PUM2: variants seen among roughly 807,000 people sequenced by gnomAD.
PUM2 encodes pumilio RNA binding family member 2.
PUM2 carries 57 observed loss-of-function variants against 124.5 expected under a neutral mutation model. The ratio of observed to expected loss-of-function variants is 0.46; its 90% confidence interval spans 0.37 to 0.57. The LOEUF is 0.57. PUM2 is among the 20% of genes least tolerant of loss of function. PUM2 has a pLI of 0.00. For missense variants in PUM2, 1,065 were observed against 1,290.6 expected (o/e 0.83, Z 2.68); for synonymous variants, 460 against 446.1 (o/e 1.03, Z -0.39).
At chr2:20,311,156 A>C (rs1445775247) in intron 5 of PUM2, among the ~76,000 whole-genome samples, 1 of 148,642 alleles carries the variant, frequency 6.7e-6, no homozygotes, top group East Asian at 2.0e-4. Flanking sequence ...CAAGAGGGGA[A>C]AAAAAAAAAT....
At position 20,318,575 on chromosome 2, in the gene PUM2, C is replaced by A. The variant is rs1331316726; in HGVS notation, c.122G>T (p.Gly41Val). The A allele has an allele frequency of 6.2e-7, 1 of 1,613,362 alleles. No homozygotes were observed. Among genetic ancestry groups the A allele is most frequent in the Non-Finnish European group, 8.5e-7 (1 of 1,179,726 alleles). Residue 41 changes from glycine to valine, a missense_variant, in exon 3 of 21, where the codon GGG becomes GTG. By Grantham distance (109) the Gly-to-Val change is moderately radical (BLOSUM62 -3). Around this residue, in one of 3 missense-constraint regions of PUM2, gnomAD observed 90 missense variants for 103.6 expected, o/e 0.87. Transcript: ENST00000361078. ...TGCAGTCTCTCTCCATTCATCATCC[C>A]CAAGAAATATGCCTTTTTGTCCATC... is the stretch of plus-strand genomic sequence containing the variant. ...TKDGQKGIFL[G>V]DDEWRETAWG...
intron 10 of PUM2, among the ~76,000 whole-genome samples, chr2:20,289,481 G>GT (rs1673501986): frequency 6.6e-6 from 1 of 152,056 alleles, no homozygotes; most frequent in African/African-American, 2.4e-5. Context: ...TTTTGCCAAG[G>GT]TCTCTAATCC....
At chr2:20,293,403 A>G (rs1674708018) in intron 9 of PUM2, among the ~76,000 whole-genome samples, 1 of 152,264 alleles carries the variant, frequency 6.6e-6, no homozygotes, top group Non-Finnish European at 1.5e-5. Flanking sequence ...TCAACAGAGC[A>G]TCTATGTAGA....
intron 7 of PUM2, among the ~76,000 whole-genome samples, chr2:20,301,861 G>A (rs1359264088): frequency 6.6e-6 from 1 of 152,158 alleles, no homozygotes; most frequent in Non-Finnish European, 1.5e-5. Context: ...TTACAGGCGT[G>A]AGCCACTGTG....
At chr2:20,343,794 T>A (rs1423959232) in intron 1 of PUM2, among the ~76,000 whole-genome samples, 5 of 152,260 alleles carry the variant, frequency 3.3e-5, no homozygotes, top group African/African-American at 1.2e-4. Context: ...TTGGGTATGA[T>A]GTTGTGCGCC....
At chr2:20,350,464 C>A (rs1689128830) in intron 1 of PUM2, 133 bp downstream of exon 1, 1 of 984,164 alleles carries the variant, frequency 1.0e-6, no homozygotes, top group South Asian at 4.7e-5. Context: ...GCCGCACCGG[C>A]CCGGGCACTC....
intron 1 of PUM2, among the ~76,000 whole-genome samples, chr2:20,338,080 C>T (rs1686487259): frequency 6.6e-6 from 1 of 152,122 alleles, no homozygotes; most frequent in Non-Finnish European, 1.5e-5. Context: ...CAAGCATAAG[C>T]CATCACTCAA....
rs1289527493 is a variant in PUM2 at position 20,249,513 on chromosome 2, T to A, written c.*2072A>T. On this transcript the variant is annotated 3_prime_UTR_variant, in exon 21 of 21. Coordinates refer to ENST00000361078, the MANE Select transcript of PUM2 (RefSeq NM_015317.5). ...ATGGTCTCACCAAGGAATGTTGGGT[T>A]AGAAAAGTAAAATAACTCAACACCA... 6.6e-6 allele frequency: 1 copy of A among 152,488 alleles called. No individual in the cohort carries two copies. Among genetic ancestry groups the A allele is most frequent in the African/African-American group, 2.4e-5 (1 of 41,428 alleles). 9.4% of individuals were successfully genotyped at this position (152,488 alleles called of 1,614,324 possible). A position where few individuals can be genotyped will look rare whatever the true frequency, so the allele number is the denominator to read the frequency against.
intron 1 of PUM2, 184 bp downstream of exon 1, chr2:20,350,413 T>G: frequency 2.5e-6 from 2 of 814,770 alleles, no homozygotes; most frequent in Non-Finnish European, 3.0e-6. Flanking sequence ...GCACACCCCC[T>G]TCCGGCACCC....
At chr2:20,294,280 T>G in intron 9 of PUM2, 96 bp downstream of exon 9, 1 of 1,393,916 alleles carries the variant, frequency 7.2e-7, no homozygotes, top group Non-Finnish European at 9.8e-7. Flanking sequence ...TGTTACACAG[T>G]GAGGAAACGT....
At chr2:20,303,064 T>G (rs1677377914) in intron 7 of PUM2, among the ~76,000 whole-genome samples, 1 of 152,044 alleles carries the variant, frequency 6.6e-6, no homozygotes, top group Admixed American at 6.6e-5. Context: ...TCAAAATCCA[T>G]CCCCTAAGGC....
chr2:20,352,053 TTGTAC>T (rs1689393426), upstream of PUM2: 1 of 152,236 alleles, frequency 6.6e-6, no homozygotes, highest in Non-Finnish European at 1.5e-5. Context: ...CCCCCCACTC[TTGTAC>T]TGTCTCTGTA....
rs1485554836 is a variant in PUM2 at position 20,312,214 on chromosome 2, T to C, written c.348+22A>G. 5 of 1,537,552 alleles carry C rather than the reference T, an allele frequency of 3.3e-6. No homozygotes were observed. The East Asian group carries it at 6.8e-5, about 21-fold the overall frequency. On this transcript the variant is annotated intron_variant, in intron 4 of 20. Transcript: ENST00000361078. ...ATAACTCTCAAGCAAATATTAAATA[T>C]TTCTTTATTCAAAATACTTACAAAA...
intron 2 of PUM2, among the ~76,000 whole-genome samples, chr2:20,320,756 T>C (rs1019931320): frequency 6.6e-6 from 1 of 152,084 alleles, no homozygotes; most frequent in Non-Finnish European, 1.5e-5. Flanking sequence ...TCATAAAAGA[T>C]TCACGTAAAT....
chr2:20,270,551 AACAC>A (rs542665864), intron 13 of PUM2, among the ~76,000 whole-genome samples: 1 of 151,442 alleles, frequency 6.6e-6, no homozygotes, highest in Admixed American at 6.6e-5. Context: ...AAAACAAATA[AACAC>A]ACACACACAC....
In PUM2 at chr2:20,286,579, A is replaced by T. The variant is rs915644667; in HGVS notation, c.1292-3093T>A. On this transcript the variant is annotated intron_variant, in intron 10 of 20. Transcript: ENST00000361078. ...AGGTTATCAACTTTATTGTCTTTTC[A>T]AAGAGGTGGTCAACTTCATTGTCTT... Among the ~76,000 whole-genome samples the T allele has an allele frequency of 5.3e-5, 8 of 152,256 alleles. 1 individual carries two copies. Among genetic ancestry groups the T allele is most frequent in the African/African-American group, 1.9e-4 (8 of 41,554 alleles).
Position 20,297,629 on chromosome 2 carries a change from T to C in PUM2, c.933A>G (p.Pro311=), listed in dbSNP as rs1675945437. The C allele has an allele frequency of 3.7e-6, 6 of 1,613,340 alleles. No homozygotes were observed. The East Asian group carries it at 8.9e-5, about 24-fold the overall frequency. The change falls in exon 8 of 21, where the codon CCA becomes CCG. Residue 311 remains proline (P), a synonymous_variant. Coordinates refer to ENST00000361078, the MANE Select transcript of PUM2 (RefSeq NM_015317.5). ...CTGGAGGAGCAGCACTAATAATGTA[T>C]GGATTTGGCACAAATGCAGCTGGAG... ...GLAPAAFVPN[P]YIISAAPPGT... is the part of the protein sequence containing the mutation.
At chr2:20,272,110 TCGCA>T (rs1669149874) in intron 13 of PUM2, among the ~76,000 whole-genome samples, 1 of 151,658 alleles carries the variant, frequency 6.6e-6, no homozygotes, top group African/African-American at 2.4e-5. Context: ...TGAGCTGAAA[TCGCA>T]CCATTGCACT....
chr2:20,259,767 A>G (rs1665722926), intron 15 of PUM2, among the ~76,000 whole-genome samples: 1 of 152,144 alleles, frequency 6.6e-6, no homozygotes, highest in Admixed American at 6.5e-5. Flanking sequence ...TCCTGCTTTC[A>G]ATTCATTTGC....
Sources: gnomAD v4.1 joint callset for allele counts (sites outside exome capture counted in the v4.1 genomes callset) on GRCh38, gnomAD v4.1.1 for gene constraint, gnomAD v4.1.1 regional missense constraint, MANE v1.5 for transcripts, NCBI Gene and HGNC (gene_info 2026-07-23, HGNC 2026-07-21) for gene names.